The following DHPS variants were observed in gnomAD, a reference collection of about 807,000 sequenced individuals.
DHPS encodes the protein deoxyhypusine synthase.
A neutral mutation model predicts 38.7 loss-of-function variants in DHPS; 24 were observed. The observed-to-expected ratio is 0.62, with a 90% CI of 0.45 to 0.87. The LOEUF is 0.87. DHPS is among the 40% of genes least tolerant of loss of function. The probability of loss-of-function intolerance (pLI) is 0.00; values close to 1 mark genes in which losing one functional copy is unlikely to be tolerated. For synonymous variants in DHPS, 250 were observed against 204.4 expected (o/e 1.22, Z -1.90); for missense variants, 510 against 497.6 (o/e 1.02, Z -0.24).
chr19:12,679,574 C>CT (rs1568319263), intron 4 of DHPS, 31 bp from the exon 5 acceptor site: 5 of 1,613,996 alleles, frequency 3.1e-6, no homozygotes, highest in Non-Finnish European at 3.4e-6. Flanking sequence ...CAGGCCATGC[C>CT]TCCCCTGACT....
Position 12,676,025 on chromosome 19 carries a change from G to C in DHPS, c.1006C>G (p.Pro336Ala). The C allele has an allele frequency of 1.9e-6, 3 of 1,613,892 alleles. No individual in the cohort carries two copies. Among genetic ancestry groups the C allele is most frequent in the Non-Finnish European group, 2.5e-6 (3 of 1,179,906 alleles). Residue 336 changes from proline to alanine, a missense_variant, in exon 8 of 9, where the codon CCC becomes GCC. By Grantham distance (27) the Pro-to-Ala change is conservative (BLOSUM62 -1). Transcript: ENST00000210060. ...ACCCAGCCAGCGCTTACCTTGACGG[G>C]CTGTGCATCCACCCGGATCTTGCCC... ...SWGKIRVDAQ[P>A]VKVYADASLV... is the part of the protein sequence containing the mutation.
At chr19:12,678,892 G>A (rs993735143) in intron 5 of DHPS, among the ~76,000 whole-genome samples, 1 of 150,088 alleles carries the variant, frequency 6.7e-6, no homozygotes, top group Non-Finnish European at 1.5e-5. Context: ...GGGACCCTGA[G>A]CCAGGCCCCA....
intron 6 of DHPS, 32 bp from the exon 7 acceptor site, chr19:12,677,243 AC>A: frequency 6.2e-7 from 1 of 1,613,722 alleles, no homozygotes; most frequent in Non-Finnish European, 8.5e-7. Context: ...CAGGCCTTGG[AC>A]TCAGCCAGCC....
chr19:12,673,479 G>A (rs531068089), downstream of DHPS, among the ~76,000 whole-genome samples: 10 of 144,956 alleles, frequency 6.9e-5, no homozygotes, highest in East Asian at 1.7e-3. Flanking sequence ...GTGCAGTGGC[G>A]CAATCTTGGC....
In DHPS at chr19:12,681,581, A is replaced by C; in HGVS notation, c.186T>G (p.Ala62=). Residue 62 remains alanine, a synonymous_variant, in exon 1 of 9, where the codon GCT becomes GCG. Transcript: ENST00000210060. ...TGFQATNFGR[A]VQQVNAMIEK... ...TCACCATGGCATTGACTTGCTGTAC[A>C]GCGCGCCCGAAGTTGGTTGCTTGGA... The C allele has an allele frequency of 5.0e-6, 8 of 1,614,256 alleles. No individual in the cohort carries two copies. Among genetic ancestry groups the C allele is most frequent in the Non-Finnish European group, 6.8e-6 (8 of 1,180,048 alleles).
intron 2 of DHPS, 41 bp downstream of exon 2, chr19:12,680,120 T>C (rs761367200): frequency 9.9e-6 from 16 of 1,609,522 alleles, no homozygotes; most frequent in East Asian, 2.2e-5. Context: ...GCATTGCCCA[T>C]TGACCCAGAG....
At chr19:12,672,804 T>G (rs1468687798), downstream of DHPS, 3 of 1,549,276 alleles carry the variant, frequency 1.9e-6, no homozygotes, top group Non-Finnish European at 8.7e-7. Flanking sequence ...TGGAGCCATG[T>G]GAGTGTAGTC....
intron 5 of DHPS, among the ~76,000 whole-genome samples, chr19:12,679,083 G>T (rs766902813): frequency 4.6e-5 from 7 of 151,936 alleles, no homozygotes; most frequent in Non-Finnish European, 1.0e-4. Context: ...ACTGCCTGAC[G>T]CCAGGAGTTC....
At chr19:12,677,640 T>G (rs528768086) in intron 5 of DHPS, among the ~76,000 whole-genome samples, 2 of 151,782 alleles carry the variant, frequency 1.3e-5, no homozygotes, top group African/African-American at 4.8e-5. Context: ...TTCTCTCTCT[T>G]TTTTTTTATT....
rs368250617 is a variant in DHPS, at chr19:12,679,514, G to A, written c.621C>T (p.Ile207=). ...TGTTGATCTCCTTGCCCAGCCGGGC[G>A]ATCATCTTAGAAGGCGTCCACTTTA... ...EGVKWTPSKM[I]ARLGKEINNP... is the part of the protein sequence containing the mutation. Residue 207 remains isoleucine (I), a synonymous_variant, in exon 5 of 9, where the codon ATC becomes ATT. Transcript: ENST00000210060. 72 of 1,614,052 alleles carry A rather than the reference G, an allele frequency of 4.5e-5. No homozygotes were observed. The highest frequency in any genetic ancestry group is 1.1e-4 in the South Asian group (10 of 91,088).
rs777271423 is a variant in DHPS, at chr19:12,680,328, G to C, written c.208-3C>G. 6 of 1,613,974 alleles carry C rather than the reference G, an allele frequency of 3.7e-6. No individual in the cohort carries two copies. Among genetic ancestry groups the C allele is most frequent in the Non-Finnish European group, 5.1e-6 (6 of 1,179,998 alleles). On this transcript the variant is annotated splice_region_variant and splice_polypyrimidine_tract_variant and intron_variant, in intron 1 of 8. Transcript: ENST00000210060. ...AGTGGTTCCAGCTTCTTCTCGATCTGTGAGTAAGGGCCAAGTCAAGTTAAG... is the reference window on the plus strand; with the variant it reads ...AGTGGTTCCAGCTTCTTCTCGATCTCTGAGTAAGGGCCAAGTCAAGTTAAG...
Position 12,680,253 on chromosome 19 carries a change from G to A in DHPS, c.280C>T (p.Leu94Phe), listed in dbSNP as rs200934098. 1 of 1,614,198 alleles carries A rather than the reference G, an allele frequency of 6.2e-7. No individual in the cohort carries two copies. The highest frequency in any genetic ancestry group is 1.7e-5 in the Admixed American group (1 of 60,006). The change falls in exon 2 of 9, where the codon CTT (leucine) becomes TTT (phenylalanine). Residue 94 changes from leucine (L) to phenylalanine (F), a missense_variant. Coordinates refer to ENST00000210060, the MANE Select transcript of DHPS (RefSeq NM_001930.4). ...HADLTQSRRP[L>F]TSCTIFLGYT... Reference sequence around the variant, plus strand: ...CCCAGGAAAATGGTGCAGCTGGTAAGTGGGCGGCGGCTCTGGGTCAGGTCC... The same window carrying A: ...CCCAGGAAAATGGTGCAGCTGGTAAATGGGCGGCGGCTCTGGGTCAGGTCC...
chr19:12,679,709 G>C lies in DHPS; in HGVS notation c.505C>G (p.Leu169Val), dbSNP rs766145687. 16 of 1,614,038 alleles carry C rather than the reference G, an allele frequency of 9.9e-6. No individual in the cohort carries two copies. Among genetic ancestry groups the C allele is most frequent in the African/African-American group, 2.7e-5 (2 of 74,914 alleles). Residue 169 changes from leucine (L) to valine (V), a missense_variant, in exon 4 of 9, where the codon CTG becomes GTG. Leu to Val is a conservative substitution (Grantham distance 32, BLOSUM62 1). Transcript: ENST00000210060. ...CAGTAATTCTCATTGGGCACCAGCA[G>C]GTTTCCGATCCTGAGAACAGGAGGC... ...RENGINRIGN[L>V]LVPNENYCKF...
chr19:12,675,641 A>T, downstream of DHPS: 1 of 1,601,734 alleles, frequency 6.2e-7, no homozygotes. Flanking sequence ...TGGCGAGAGG[A>T]GGCCTATGAG....
intron 5 of DHPS, among the ~76,000 whole-genome samples, chr19:12,679,157 G>C (rs1279321092): frequency 6.6e-6 from 1 of 152,222 alleles, no homozygotes; most frequent in East Asian, 1.9e-4. Context: ...AATTAGCTGG[G>C]CATGATGGCA....
In DHPS at chr19:12,679,835, T is replaced by G; in HGVS notation, c.460A>C (p.Arg154=). The G allele has an allele frequency of 6.2e-7, 1 of 1,613,914 alleles. No individual in the cohort carries two copies. Among genetic ancestry groups the G allele is most frequent in the Non-Finnish European group, 8.5e-7 (1 of 1,179,828 alleles). Residue 154 remains arginine (R), a synonymous_variant, in exon 3 of 9, where the codon AGG becomes CGG. Coordinates refer to ENST00000210060, the MANE Select transcript of DHPS (RefSeq NM_001930.4). ...CCGTTCTCCCGGAGCTCCTTCCCCC[T>G]GAGGCTAAACTCGCCCAAGTATGTG... ...APTYLGEFSL[R]GKELRENGIN...
intron 5 of DHPS, among the ~76,000 whole-genome samples, chr19:12,677,669 C>G (rs1247138759): frequency 6.6e-6 from 1 of 152,078 alleles, no homozygotes; most frequent in Non-Finnish European, 1.5e-5. Flanking sequence ...CGGAGTTTCA[C>G]TCGTTGCCCA....
chr19:12,681,441 T>C lies in DHPS; in HGVS notation c.207+119A>G, dbSNP rs2024808784. ...AATAGGTCCCGCCTTCCTCCAACTA[T>C]TGGGCAACTCAAATAAAAGACATAT... On this transcript the variant is annotated intron_variant, in intron 1 of 8. Transcript: ENST00000210060. 9 of 1,254,866 alleles carry C rather than the reference T, an allele frequency of 7.2e-6. No individual in the cohort carries two copies. The South Asian group carries it at 1.0e-4, about 14-fold the overall frequency. 77.7% of individuals were successfully genotyped at this position (1,254,866 alleles called of 1,614,324 possible).
In DHPS at chr19:12,680,258, C is replaced by A. The variant is rs1340361456; in HGVS notation, c.275G>T (p.Arg92Leu). 6.8e-6 allele frequency: 11 copies of A among 1,614,098 alleles called. No homozygotes were observed. Among genetic ancestry groups the A allele is most frequent in the East Asian group, 4.5e-5 (2 of 44,876 alleles). The change falls in exon 2 of 9, where the codon CGC (arginine) becomes CTC (leucine). Residue 92 changes from arginine (R) to leucine (L), a missense_variant. Coordinates refer to ENST00000210060, the MANE Select transcript of DHPS (RefSeq NM_001930.4). ...GAAAATGGTGCAGCTGGTAAGTGGG[C>A]GGCGGCTCTGGGTCAGGTCCGCGTG... is the stretch of plus-strand genomic sequence containing the variant. ...DQHADLTQSR[R>L]PLTSCTIFLG...
Sources: allele counts gnomAD v4.1 joint callset (sites outside exome capture counted in the v4.1 genomes callset), GRCh38; gene constraint gnomAD v4.1.1; transcripts MANE v1.5; gene names NCBI Gene and HGNC (gene_info 2026-07-23, HGNC 2026-07-21).